The following WDR82 variants were observed in gnomAD, a reference collection of about 807,000 sequenced individuals.
WDR82 encodes the protein WD repeat-containing protein 82.
WDR82 carries 8 observed loss-of-function variants against 36.1 expected under a neutral mutation model. That is an observed-to-expected ratio of 0.22 (90% confidence interval 0.13 to 0.40). The LOEUF is 0.40. Among genes scored for constraint, WDR82 ranks in the 10% least tolerant of loss-of-function variants. The pLI, the probability that WDR82 is intolerant of heterozygous loss-of-function variation, is 1.00. For synonymous variants in WDR82, 129 were observed against 137.8 expected (o/e 0.94, Z 0.45); for missense variants, 185 against 400.5 (o/e 0.46, Z 4.59).
In WDR82 at chr3:52,278,393, G is replaced by C; in HGVS notation, c.-32C>G. 7.2e-7 allele frequency: 1 copy of C among 1,382,266 alleles called. No homozygotes were observed. The highest frequency in any genetic ancestry group is 9.4e-7 in the Non-Finnish European group (1 of 1,060,784). The allele number at this position is 1,382,266 out of a possible 1,614,324, so 85.6% of individuals were successfully genotyped here. ...GGCTGGGGAAGGCAGCGGCGGCGCA[G>C]GGCCGGGGCGGGGCCCGGCGGCGAG... On this transcript the variant is annotated 5_prime_UTR_variant, in exon 1 of 9. Transcript: ENST00000296490.
rs553611176 is a variant in WDR82 at position 52,261,258 on chromosome 3, T to TTTAAAA, written c.426+116_426+121dup. On this transcript the variant is annotated intron_variant, in intron 4 of 8. Transcript: ENST00000296490. ...CTAAAAAAACAGATTTTCTCCAAAGTTTAAAAAGACCCTGTGATCCCAGAA... is the reference window on the plus strand; with the variant it reads ...CTAAAAAAACAGATTTTCTCCAAAGTTTAAAATTAAAAAGACCCTGTGATCCCAGAA... The TTTAAAA allele has an allele frequency of 2.4e-3, 2,062 of 848,060 alleles. 5 individuals carry two copies. Among genetic ancestry groups the TTTAAAA allele is most frequent in the Non-Finnish European group, 2.9e-3 (1,619 of 556,900 alleles). The allele number at this position is 848,060 out of a possible 1,614,324, so 52.5% of individuals were successfully genotyped here. A position where few individuals can be genotyped will look rare whatever the true frequency, so the allele number is the denominator to read the frequency against.
At chr3:52,275,010 T>C (rs1382730008) in intron 1 of WDR82, among the ~76,000 whole-genome samples, 3 of 151,924 alleles carry the variant, frequency 2.0e-5, no homozygotes, top group Non-Finnish European at 4.4e-5. Context: ...TCACCTGAGG[T>C]CGGGAATTCG....
chr3:52,263,814 C>T (rs1281617189), intron 3 of WDR82, among the ~76,000 whole-genome samples: 3 of 152,232 alleles, frequency 2.0e-5, no homozygotes, highest in Non-Finnish European at 2.9e-5. Flanking sequence ...GAGTACTGGA[C>T]CTGAGTATTA....
Position 52,258,453 on chromosome 3 carries a change from C to T in WDR82, c.912+83G>A, listed in dbSNP as rs931179370. On this transcript the variant is annotated intron_variant, in intron 8 of 8. Coordinates refer to ENST00000296490, the MANE Select transcript of WDR82 (RefSeq NM_025222.4). Reference sequence around the variant, plus strand: ...GCTTGTAATGTACCTATGTAGAACACAGCTTGCTGTGCTTGTTGAGGCACC... The same window carrying T: ...GCTTGTAATGTACCTATGTAGAACATAGCTTGCTGTGCTTGTTGAGGCACC... 53 of 1,523,194 alleles carry T rather than the reference C, an allele frequency of 3.5e-5. No homozygotes were observed. The East Asian group carries it at 1.1e-3, about 30-fold the overall frequency. 94.4% of individuals were successfully genotyped at this position (1,523,194 alleles called of 1,614,324 possible). A position where few individuals can be genotyped will look rare whatever the true frequency, so the allele number is the denominator to read the frequency against.
At chr3:52,276,448 A>C (rs920573066) in intron 1 of WDR82, among the ~76,000 whole-genome samples, 1 of 152,016 alleles carries the variant, frequency 6.6e-6, no homozygotes, top group African/African-American at 2.4e-5. Flanking sequence ...AAAAAAAAAA[A>C]CAAAAAAAAG....
In WDR82 at chr3:52,278,488, A is replaced by G. The variant is rs1578014251; in HGVS notation, c.-127T>C. The G allele has an allele frequency of 2.4e-6, 2 of 829,514 alleles. No homozygotes were observed. Among genetic ancestry groups the G allele is most frequent in the Non-Finnish European group, 3.2e-6 (2 of 627,798 alleles). 51.4% of individuals were successfully genotyped at this position (829,514 alleles called of 1,614,324 possible). On this transcript the variant is annotated 5_prime_UTR_variant, in exon 1 of 9. Coordinates refer to ENST00000296490, the MANE Select transcript of WDR82 (RefSeq NM_025222.4). ...GCCGGCGGCTAGCGGGAAGTCGGCC[A>G]ACAGTTGGGCCGCCTCCTCCTCTTC...
chr3:52,277,101 T>TAA (rs899698387), intron 1 of WDR82, among the ~76,000 whole-genome samples: 1 of 145,942 alleles, frequency 6.9e-6, no homozygotes, highest in Non-Finnish European at 1.5e-5. Context: ...ATAATAATAA[T>TAA]ATCTGTTACT....
intron 8 of WDR82, among the ~76,000 whole-genome samples, chr3:52,257,967 G>A (rs1700028237): frequency 6.6e-6 from 1 of 151,980 alleles, no homozygotes; most frequent in African/African-American, 2.4e-5. Flanking sequence ...GTGGCAATGT[G>A]CTCCGGGTAG....
chr3:52,270,409 C>G (rs778318121), intron 2 of WDR82, among the ~76,000 whole-genome samples: 3 of 152,210 alleles, frequency 2.0e-5, no homozygotes, highest in African/African-American at 7.2e-5. Flanking sequence ...CGAGCCCCTA[C>G]GCCCGGCTTT....
chr3:52,257,348 A>G lies in WDR82; in HGVS notation c.*142T>C. On this transcript the variant is annotated 3_prime_UTR_variant, in exon 9 of 9. Transcript: ENST00000296490. ...TAATTATTTTCTTTTGAGCAGATGT[A>G]CAGCACATCCATGGGAAGGCCATGT... 1 of 1,133,598 alleles carries G rather than the reference A, an allele frequency of 8.8e-7. No homozygotes were observed. The highest frequency in any genetic ancestry group is 1.3e-5 in the South Asian group (1 of 76,292). 70.2% of individuals were successfully genotyped at this position (1,133,598 alleles called of 1,614,324 possible). A position where few individuals can be genotyped will look rare whatever the true frequency, so the allele number is the denominator to read the frequency against.
Position 52,268,863 on chromosome 3 carries a change from G to A in WDR82, c.260-1845C>T, listed in dbSNP as rs376561542. 2.9e-4 allele frequency among the ~76,000 whole-genome samples: 44 copies of A among 152,234 alleles called. 1 individual carries two copies. The highest frequency in any genetic ancestry group is 1.1e-3 in the African/African-American group (44 of 41,556). On this transcript the variant is annotated intron_variant, in intron 2 of 8. Coordinates refer to ENST00000296490, the MANE Select transcript of WDR82 (RefSeq NM_025222.4). ...TTTTTTTGAGATGGAGCCTCGCTCTGTCACCCAGGTTGGAGTGCAGTGGTG... is the reference window on the plus strand; with the variant it reads ...TTTTTTTGAGATGGAGCCTCGCTCTATCACCCAGGTTGGAGTGCAGTGGTG...
intron 3 of WDR82, among the ~76,000 whole-genome samples, chr3:52,266,437 T>C (rs1700107069): frequency 6.6e-6 from 1 of 152,042 alleles, no homozygotes. Flanking sequence ...AGAAAAAATA[T>C]ATATACATAT....
Position 52,254,907 on chromosome 3 carries a change from C to T in WDR82, c.*2583G>A, listed in dbSNP as rs1359820861. The T allele has an allele frequency of 6.6e-6, 1 of 152,114 alleles. No individual in the cohort carries two copies. Among genetic ancestry groups the T allele is most frequent in the Non-Finnish European group, 1.5e-5 (1 of 68,084 alleles). 9.4% of individuals were successfully genotyped at this position (152,114 alleles called of 1,614,324 possible). A position where few individuals can be genotyped will look rare whatever the true frequency, so the allele number is the denominator to read the frequency against. On this transcript the variant is annotated 3_prime_UTR_variant, in exon 9 of 9. Transcript: ENST00000296490. ...TTAATTCAGGAGGCAGCTTTGCAAC[C>T]ACAGGGCCCAACGATAGAGACTGTG...
chr3:52,264,600 G>T (rs181253241), intron 3 of WDR82, among the ~76,000 whole-genome samples: 1 of 152,160 alleles, frequency 6.6e-6, no homozygotes, highest in East Asian at 1.9e-4. Context: ...AAAAGGAGTG[G>T]GTGATAGGGT....
chr3:52,278,321 G>A lies in WDR82; in HGVS notation c.41C>T (p.Ala14Val). The A allele has an allele frequency of 6.2e-7, 1 of 1,601,432 alleles. No homozygotes were observed. The highest frequency in any genetic ancestry group is 8.5e-7 in the Non-Finnish European group (1 of 1,175,548). ...TDSVLRSFRVAKVFRENSDKI... is the reference protein window; with the variant it reads ...TDSVLRSFRVVKVFRENSDKI... ...GTCCGAGTTTTCGCGGAACACCTTA[G>A]CGACGCGGAAGCTCCGCAACACGCT... is the stretch of plus-strand genomic sequence containing the variant. The change falls in exon 1 of 9, where the codon GCT becomes GTT. Residue 14 changes from alanine (A) to valine (V), a missense_variant. Physicochemically the swap from Ala to Val is moderately conservative, Grantham distance 64. Transcript: ENST00000296490.
chr3:52,257,655 C>T (rs1326094697), intron 8 of WDR82, 136 bp from the exon 9 acceptor site: 1 of 885,146 alleles, frequency 1.1e-6, no homozygotes, highest in Non-Finnish European at 1.8e-6. Flanking sequence ...CCAACCAACC[C>T]CGATGCTCTA....
In WDR82 at chr3:52,260,503, T is replaced by TA; in HGVS notation, c.427-3dup. 1 of 1,559,452 alleles carries TA rather than the reference T, an allele frequency of 6.4e-7. No individual in the cohort carries two copies. Among genetic ancestry groups the TA allele is most frequent in the African/African-American group, 1.4e-5 (1 of 70,612 alleles). On this transcript the variant is annotated splice_polypyrimidine_tract_variant and splice_region_variant and intron_variant, in intron 4 of 8. Transcript: ENST00000296490. ...CTTCCCCTGCAGATGCATGAGGCCC[T>TA]AAGAGAAAAGAAATAAGAAATACAC...
At chr3:52,265,091 G>C (rs906076813) in intron 3 of WDR82, among the ~76,000 whole-genome samples, 3 of 151,866 alleles carry the variant, frequency 2.0e-5, no homozygotes, top group Non-Finnish European at 2.9e-5. Context: ...TGAGGCGGGC[G>C]GATCAGGGAC....
chr3:52,277,170 A>C (rs1700211880), intron 1 of WDR82, among the ~76,000 whole-genome samples: 1 of 152,050 alleles, frequency 6.6e-6, no homozygotes, highest in African/African-American at 2.4e-5. Flanking sequence ...AAACATCAGC[A>C]AGCCTTCTTG....
Sources: gnomAD v4.1 joint callset for allele counts (sites outside exome capture counted in the v4.1 genomes callset) on GRCh38, gnomAD v4.1.1 for gene constraint, MANE v1.5 for transcripts, NCBI Gene and HGNC (gene_info 2026-07-23, HGNC 2026-07-21) for gene names.